The following RYR3 variants were observed in gnomAD, a reference collection of about 807,000 sequenced individuals.
The protein encoded by RYR3 is ryanodine receptor 3.
RYR3 carries 207 observed loss-of-function variants against 584.3 expected under a neutral mutation model. The observed-to-expected ratio is 0.35, with a 90% CI of 0.32 to 0.40. The LOEUF is 0.40. Ranked by LOEUF, RYR3 falls within the 10% of genes least tolerant of loss-of-function variation. RYR3 has a pLI of 1.00. For missense variants in RYR3, 5,616 were observed against 6,089.2 expected (o/e 0.92, Z 2.59); for synonymous variants, 2,416 against 2,248.5 (o/e 1.07, Z -2.11).
rs549839107 is a variant in RYR3, at chr15:33,548,077, G to C, written c.741-53G>C. 59 of 1,317,036 alleles carry C rather than the reference G, an allele frequency of 4.5e-5. No individual in the cohort carries two copies. The East Asian group carries it at 1.4e-3, about 30-fold the overall frequency. The allele number at this position is 1,317,036 out of a possible 1,614,324, so 81.6% of individuals were successfully genotyped here. A position where few individuals can be genotyped will look rare whatever the true frequency, so the allele number is the denominator to read the frequency against. ...CTCTGCAGGGAGCTGTTCTTCACCC[G>C]GGTGCTGATCAGTGTCATGCAAGTA... On this transcript the variant is annotated intron_variant, in intron 8 of 103. Transcript: ENST00000634891.
At chr15:33,610,550 AC>A (rs2060130089) in intron 18 of RYR3, among the ~76,000 whole-genome samples, 1 of 152,142 alleles carries the variant, frequency 6.6e-6, no homozygotes, top group Admixed American at 6.5e-5. Context: ...TTTGTCAATT[AC>A]CCAAATTAAT....
chr15:33,632,978 C>T lies in RYR3; in HGVS notation c.2897C>T (p.Ala966Val). 1 of 1,613,784 alleles carries T rather than the reference C, an allele frequency of 6.2e-7. No individual in the cohort carries two copies. Among genetic ancestry groups the T allele is most frequent in the Non-Finnish European group, 8.5e-7 (1 of 1,179,730 alleles). The change falls in exon 24 of 104, where the codon GCC (alanine) becomes GTC (valine). Residue 966 changes from alanine to valine, a missense_variant. By Grantham distance (64) the Ala-to-Val change is moderately conservative (BLOSUM62 0). Transcript: ENST00000634891. ...ATGATGTCCAACGGCTATAAGCCAG[C>T]CCCTTTGGATTTGTCTGATGTGAAG... is the stretch of plus-strand genomic sequence containing the variant. The part of the protein sequence containing the change: ...NYMMSNGYKP[A>V]PLDLSDVKLL...
intron 3 of RYR3, among the ~76,000 whole-genome samples, chr15:33,521,419 T>C (rs914264932): frequency 2.6e-5 from 4 of 152,138 alleles, no homozygotes; most frequent in African/African-American, 9.7e-5. Flanking sequence ...CGCCACCTTC[T>C]CATCCAGGAA....
rs2068391095 is a variant in RYR3, at chr15:33,725,974, C to CGCCCCG, written c.6913-412_6913-411insGCCCCG. Among the ~76,000 whole-genome samples the CGCCCCG allele has an allele frequency of 1.3e-4, 5 of 37,622 alleles. 2 individuals carry two copies. The highest frequency in any genetic ancestry group is 2.3e-4 in the Non-Finnish European group (4 of 17,682). 24.7% of individuals were successfully genotyped at this position (37,622 alleles called of 152,430 possible). Reference sequence around the variant, plus strand: ...GACAGAGCAAGACTCCATCCCCCCCCCCAAAAAAAAAAAAAAAAAAAAACA... The same window carrying CGCCCCG: ...GACAGAGCAAGACTCCATCCCCCCCCGCCCCGCCAAAAAAAAAAAAAAAAAAAAACA... On this transcript the variant is annotated intron_variant, in intron 45 of 103. Transcript: ENST00000634891.
chr15:33,810,321 G>A (rs988422575), intron 70 of RYR3, among the ~76,000 whole-genome samples, 158 bp from the exon 71 acceptor site: 1 of 152,130 alleles, frequency 6.6e-6, no homozygotes, highest in Non-Finnish European at 1.5e-5. Context: ...TACCTAATTC[G>A]TCTTTGTTCA....
intron 21 of RYR3, among the ~76,000 whole-genome samples, chr15:33,629,232 G>A (rs974570709): frequency 6.6e-6 from 1 of 152,172 alleles, no homozygotes; most frequent in African/African-American, 2.4e-5. Flanking sequence ...TTCAACAAAT[G>A]TTTGTTGAAA....
chr15:33,755,896 A>G (rs950295815), intron 58 of RYR3, among the ~76,000 whole-genome samples: 5 of 151,972 alleles, frequency 3.3e-5, no homozygotes, highest in African/African-American at 1.2e-4. Flanking sequence ...CAGCCTCCCA[A>G]GTAGCTGGAA....
chr15:33,495,327 G>A (rs2051320056), intron 2 of RYR3, among the ~76,000 whole-genome samples: 2 of 152,134 alleles, frequency 1.3e-5, no homozygotes, highest in Non-Finnish European at 2.9e-5. Flanking sequence ...TATCTCCAGG[G>A]ATATTGATGC....
At chr15:33,473,193 C>A (rs1283736266) in intron 1 of RYR3, among the ~76,000 whole-genome samples, 7 of 152,112 alleles carry the variant, frequency 4.6e-5, no homozygotes. Flanking sequence ...TGTACTTGCC[C>A]CCACTGACCT....
At chr15:33,666,234 G>T (rs2152713844) in intron 36 of RYR3, among the ~76,000 whole-genome samples, 1 of 152,276 alleles carries the variant, frequency 6.6e-6, no homozygotes, top group East Asian at 1.9e-4. Context: ...TCGAACTCCT[G>T]ACCTCAAGCT....
rs967829995 is a variant in RYR3, at chr15:33,448,319, T to C, written c.52-25100T>C. 5.3e-5 allele frequency among the ~76,000 whole-genome samples: 8 copies of C among 152,346 alleles called. No individual in the cohort carries two copies. The East Asian group carries it at 1.2e-3, about 22-fold the overall frequency. On this transcript the variant is annotated intron_variant, in intron 1 of 103. Transcript: ENST00000634891. The stretch of plus-strand genomic sequence containing the variant: ...TTTCCAGATCAGAGTCATGTTTCAG[T>C]GGGACTAAGAGCAGGATAATACCTT...
intron 60 of RYR3, among the ~76,000 whole-genome samples, chr15:33,760,126 C>G (rs1414919328): frequency 1.3e-5 from 2 of 152,138 alleles, no homozygotes; most frequent in Non-Finnish European, 2.9e-5. Context: ...TACAAGAGCT[C>G]CTGAAGGAAG....
At chr15:33,465,495 G>T (rs555473229) in intron 1 of RYR3, among the ~76,000 whole-genome samples, 56 of 152,094 alleles carry the variant, frequency 3.7e-4, no homozygotes, top group South Asian at 2.5e-3. Context: ...TGCCTTTTTG[G>T]TAATAGCCAG....
At chr15:33,687,506 T>G (rs1370921385) in intron 38 of RYR3, among the ~76,000 whole-genome samples, 1 of 152,196 alleles carries the variant, frequency 6.6e-6, no homozygotes, top group Non-Finnish European at 1.5e-5. Context: ...ATTTGTAGAT[T>G]CGATGCCATC....
rs1566895000 is a variant in RYR3, at chr15:33,659,807, GTATT to G, written c.4395+7_4395+10del. On this transcript the variant is annotated splice_donor_variant and splice_donor_5th_base_variant and intron_variant, in intron 33 of 103. Coordinates refer to ENST00000634891, the MANE Select transcript of RYR3 (RefSeq NM_001036.6). LOFTEE classifies it high-confidence loss of function. The stretch of plus-strand genomic sequence containing the variant: ...TCAGTTTGAACTTGGAAAGCTGAAG[GTATT>G]TATTTGTCCTCTCATCTAATGGCCA... The G allele has an allele frequency of 1.9e-6, 3 of 1,592,954 alleles. No homozygotes were observed. Among genetic ancestry groups the G allele is most frequent in the Non-Finnish European group, 2.6e-6 (3 of 1,161,178 alleles).
chr15:33,707,744 C>T (rs1165798388), intron 43 of RYR3, among the ~76,000 whole-genome samples: 1 of 152,128 alleles, frequency 6.6e-6, no homozygotes, highest in Non-Finnish European at 1.5e-5. Flanking sequence ...TTTGGGGTTC[C>T]AGGCTAACAA....
At chr15:33,472,584 T>C (rs983782693) in intron 1 of RYR3, among the ~76,000 whole-genome samples, 3 of 152,154 alleles carry the variant, frequency 2.0e-5, no homozygotes, top group African/African-American at 7.2e-5. Context: ...CTAGGGAGCA[T>C]GGCCTGACAG....
chr15:33,855,037 C>G (rs891404644), intron 98 of RYR3, 125 bp downstream of exon 98: 4 of 973,876 alleles, frequency 4.1e-6, no homozygotes, highest in Non-Finnish European at 5.5e-6. Context: ...TTTTCTTGGC[C>G]AAACACTTCA....
At chr15:33,863,146 C>T (rs913092812) in intron 102 of RYR3, among the ~76,000 whole-genome samples, 1 of 152,160 alleles carries the variant, frequency 6.6e-6, no homozygotes, top group Admixed American at 6.5e-5. Flanking sequence ...TCTCTATCCC[C>T]TCTAGGAGCA....
Sources: gnomAD v4.1 joint callset for allele counts (sites outside exome capture counted in the v4.1 genomes callset) on GRCh38, gnomAD v4.1.1 for gene constraint, MANE v1.5 for transcripts, NCBI Gene and HGNC (gene_info 2026-07-23, HGNC 2026-07-21) for gene names.